Variants in SLC7A1 observed in about 807,000 individuals in gnomAD.
SLC7A1 encodes the protein solute carrier family 7 member 1.
A neutral mutation model predicts 53.9 loss-of-function variants in SLC7A1; 10 were observed. The observed-to-expected ratio is 0.19, with a 90% confidence interval of 0.11 to 0.31. The LOEUF (loss-of-function observed/expected upper bound fraction) is 0.31. Ranked by LOEUF, SLC7A1 falls within the 10% of genes least tolerant of loss-of-function variation. The pLI is 1.00. For missense variants in SLC7A1, 525 were observed against 827.2 expected, an observed-to-expected ratio of 0.63 and a Z score of 4.48; for synonymous variants, 342 against 338.7, an observed-to-expected ratio of 1.01 and a Z score of -0.11.
At chr13:29,575,942 G>A (rs1204531472) in intron 1 of SLC7A1, among the ~76,000 whole-genome samples, 1 of 151,988 alleles carries the variant, frequency 6.6e-6, no homozygotes, top group East Asian at 1.9e-4. Context: ...ATGTTGCCTA[G>A]TGCTCACATG....
chr13:29,551,860 T>G (rs74786626), intron 2 of SLC7A1, among the ~76,000 whole-genome samples: 2 of 152,242 alleles, frequency 1.3e-5, no homozygotes, highest in East Asian at 3.9e-4. Flanking sequence ...CCCACCGCCT[T>G]TGGGAAGGTG....
intron 2 of SLC7A1, among the ~76,000 whole-genome samples, chr13:29,544,869 G>A (rs865883315): frequency 6.2e-5 from 1 of 16,156 alleles, no homozygotes; most frequent in East Asian, 1.2e-3. Flanking sequence ...TGCCTCATCG[G>A]GGGGGGGGGG....
At chr13:29,589,031 G>A (rs9551700) in intron 1 of SLC7A1, among the ~76,000 whole-genome samples, 25,993 of 152,058 alleles carry the variant, frequency 0.17, 3,458 homozygotes, top group East Asian at 0.68. Flanking sequence ...CTGTGGAAAA[G>A]CTGCGGGCCA....
chr13:29,560,621 C>T (rs943106295), intron 1 of SLC7A1, among the ~76,000 whole-genome samples: 17 of 152,000 alleles, frequency 1.1e-4, no homozygotes, highest in Admixed American at 7.2e-4. Context: ...AGATGGCTGG[C>T]AATGCAGTAT....
At position 29,577,018 on chromosome 13, in the gene SLC7A1, T is replaced by A. The variant is rs142384181; in HGVS notation, c.-115+18398A>T. Among the ~76,000 whole-genome samples, 879 of 152,326 alleles carry A rather than the reference T, an allele frequency of 5.8e-3. 8 individuals are homozygous for A. The highest frequency in any genetic ancestry group is 0.02 in the African/African-American group (844 of 41,564). On this transcript the variant is annotated intron_variant, in intron 1 of 12. Coordinates refer to ENST00000380752, the MANE Select transcript of SLC7A1 (RefSeq NM_003045.5). ...CACTGGTTGTCTTTTTTTAATCACC[T>A]AAATTTAAATACCATTACAGAAGTT...
chr13:29,532,215 C>T (rs995360112), intron 4 of SLC7A1, among the ~76,000 whole-genome samples: 1 of 152,212 alleles, frequency 6.6e-6, no homozygotes, highest in Admixed American at 6.5e-5. Context: ...GCAAAACTCG[C>T]GCTGCACTGG....
chr13:29,530,779 G>A (rs1408326835), intron 4 of SLC7A1, 67 bp from the exon 5 acceptor site: 1 of 1,381,020 alleles, frequency 7.2e-7, no homozygotes, highest in East Asian at 2.3e-5. Flanking sequence ...GTCCTTCCTG[G>A]ATGGGGATAA....
intron 2 of SLC7A1, among the ~76,000 whole-genome samples, chr13:29,539,575 G>A (rs1869575468): frequency 6.6e-6 from 1 of 152,194 alleles, no homozygotes; most frequent in African/African-American, 2.4e-5. Context: ...TTTCTGGTGA[G>A]ACACCTGTGC....
At position 29,530,677 on chromosome 13, in the gene SLC7A1, C is replaced by T. The variant is rs1341611766; in HGVS notation, c.565G>A (p.Val189Ile). Residue 189 changes from valine to isoleucine, a missense_variant, in exon 5 of 13, where the codon GTC (valine) becomes ATC (isoleucine). Physicochemically the swap from Val to Ile is conservative, Grantham distance 29. Transcript: ENST00000380752. ...LTLGVKESAM[V>I]NKIFTCINVL... The stretch of plus-strand genomic sequence containing the variant: ...TTAATACAAGTGAATATTTTGTTGA[C>T]CATGGCCGACTCTTTCACACCAAGA... 2.5e-6 allele frequency: 4 copies of T among 1,614,104 alleles called. No homozygotes were observed. The highest frequency in any genetic ancestry group is 1.6e-4 in the Middle Eastern group (1 of 6,062).
rs774391609 is a variant in SLC7A1 at position 29,524,230 on chromosome 13, C to T, written c.728G>A (p.Gly243Asp). Residue 243 changes from glycine to aspartate, a missense_variant, in exon 6 of 13, where the codon GGT becomes GAT. Gly to Asp is a moderately conservative substitution (Grantham distance 94, BLOSUM62 -1). Coordinates refer to ENST00000380752, the MANE Select transcript of SLC7A1 (RefSeq NM_003045.5). ...LNNDTKEGKP[G>D]VGGFMPFGFS... Reference sequence around the variant, plus strand: ...CCCGAAGGGCATGAATCCACCAACACCGGGCTTCCCTTCTTTTGTGTCACT... The same window carrying T: ...CCCGAAGGGCATGAATCCACCAACATCGGGCTTCCCTTCTTTTGTGTCACT... 1.9e-6 allele frequency: 3 copies of T among 1,614,072 alleles called. No individual in the cohort carries two copies. The highest frequency in any genetic ancestry group is 1.1e-5 in the South Asian group (1 of 91,094).
chr13:29,535,975 T>C lies in SLC7A1; in HGVS notation c.214A>G (p.Ile72Val), dbSNP rs1869397380. ...AGPAIVISFLIAALASVLAGL... is the reference protein window; with the variant it reads ...AGPAIVISFLVAALASVLAGL... ...GCCAGCACTGAGGCCAGCGCAGCGA[T>C]CAGGAAGGAGATGACAATGGCAGGG... Residue 72 changes from isoleucine to valine, a missense_variant, in exon 3 of 13, where the codon ATC becomes GTC. Physicochemically the swap from Ile to Val is conservative, Grantham distance 29. This residue lies in a region of SLC7A1 where 354 missense variants were observed against 587.5 expected (regional missense o/e 0.60). Transcript: ENST00000380752. 8.7e-6 allele frequency: 14 copies of C among 1,614,026 alleles called. No individual in the cohort carries two copies. The highest frequency in any genetic ancestry group is 1.2e-5 in the Non-Finnish European group (14 of 1,180,014).
intron 2 of SLC7A1, among the ~76,000 whole-genome samples, chr13:29,553,286 A>G (rs1050736532): frequency 3.9e-5 from 6 of 152,242 alleles, no homozygotes; most frequent in Non-Finnish European, 7.3e-5. Context: ...CAAGAGTCAC[A>G]GAGAGAAACA....
At chr13:29,566,699 T>C (rs1425218744) in intron 1 of SLC7A1, among the ~76,000 whole-genome samples, 1 of 152,214 alleles carries the variant, frequency 6.6e-6, no homozygotes. Flanking sequence ...TGCATAATCC[T>C]GTGAATTTGC....
In SLC7A1 at chr13:29,522,531, G is replaced by A. The variant is rs956881524; in HGVS notation, c.1050-75C>T. The stretch of plus-strand genomic sequence containing the variant: ...AAAGGCACCACATCCAGCCATGCTC[G>A]GTTTACCACGGAGGAGAGGGAGTCT... On this transcript the variant is annotated intron_variant, in intron 7 of 12. Coordinates refer to ENST00000380752, the MANE Select transcript of SLC7A1 (RefSeq NM_003045.5). 3.9e-6 allele frequency: 6 copies of A among 1,530,428 alleles called. No individual in the cohort carries two copies. In the African/African-American group the frequency reaches 4.1e-5, roughly 10 times the overall value. 94.8% of individuals were successfully genotyped at this position (1,530,428 alleles called of 1,614,324 possible).
At chr13:29,528,548 C>G (rs909024821) in intron 5 of SLC7A1, among the ~76,000 whole-genome samples, 6 of 152,156 alleles carry the variant, frequency 3.9e-5, no homozygotes, top group Non-Finnish European at 7.3e-5. Flanking sequence ...GGGCAGTGCC[C>G]TACTATTTCA....
At chr13:29,580,028 G>A (rs1203847867) in intron 1 of SLC7A1, among the ~76,000 whole-genome samples, 7 of 152,082 alleles carry the variant, frequency 4.6e-5, no homozygotes, top group African/African-American at 9.7e-5. Context: ...GCTCTTTGGC[G>A]GATCCATAAT....
rs530538238 is a variant in SLC7A1, at chr13:29,541,520, G to A, written c.-14-5318C>T. Among the ~76,000 whole-genome samples, 5 of 152,108 alleles carry A rather than the reference G, an allele frequency of 3.3e-5. No homozygotes were observed. The South Asian group carries it at 8.3e-4, about 25-fold the overall frequency. On this transcript the variant is annotated intron_variant, in intron 2 of 12. Transcript: ENST00000380752. Reference sequence around the variant, plus strand: ...TCGTCAGAAGCCACTGCCAATTTGGGCGTGAGGGGCAGGGAGCAGATAGGA... The same window carrying A: ...TCGTCAGAAGCCACTGCCAATTTGGACGTGAGGGGCAGGGAGCAGATAGGA...
In SLC7A1 at chr13:29,573,007, A is replaced by C. The variant is rs1428045778; in HGVS notation, c.-114-19147T>G. Among the ~76,000 whole-genome samples the C allele has an allele frequency of 2.0e-5, 3 of 152,202 alleles. No individual in the cohort carries two copies. In the East Asian group the frequency reaches 5.8e-4, roughly 29 times the overall value. The stretch of plus-strand genomic sequence containing the variant: ...AGACAAGTGGCTGGTAAATACAAGA[A>C]ACCTTTCTTGAAAATGCAGATAGCA... On this transcript the variant is annotated intron_variant, in intron 1 of 12. Coordinates refer to ENST00000380752, the MANE Select transcript of SLC7A1 (RefSeq NM_003045.5).
At chr13:29,547,060 C>T (rs1468081068) in intron 2 of SLC7A1, among the ~76,000 whole-genome samples, 2 of 152,182 alleles carry the variant, frequency 1.3e-5, no homozygotes, top group Non-Finnish European at 2.9e-5. Context: ...AAACCCTATT[C>T]CCTGCCAGGT....
Sources: gnomAD v4.1 joint callset for allele counts (sites outside exome capture counted in the v4.1 genomes callset) on GRCh38, gnomAD v4.1.1 for gene constraint, gnomAD v4.1.1 regional missense constraint, MANE v1.5 for transcripts, NCBI Gene and HGNC (gene_info 2026-07-23, HGNC 2026-07-21) for gene names.